ZHX2: variants seen among roughly 807,000 people sequenced by gnomAD.
ZHX2 encodes the protein zinc fingers and homeoboxes protein 2.
In ZHX2, 6 loss-of-function variants were observed where a neutral mutation model predicts 21.9. The observed-to-expected ratio is 0.27, with a 90% CI of 0.15 to 0.54. The LOEUF (loss-of-function observed/expected upper bound fraction) is 0.54, where lower values mean the gene tolerates loss of function less well. Ranked by LOEUF, ZHX2 falls within the 20% of genes least tolerant of loss-of-function variation. The probability of loss-of-function intolerance (pLI) is 0.95; values close to 1 mark genes in which losing one functional copy is unlikely to be tolerated. For synonymous variants in ZHX2, 434 were observed against 437.1 expected (o/e 0.99, Z 0.09); for missense variants, 908 against 1,090.7 (o/e 0.83, Z 2.36).
intron 2 of ZHX2, among the ~76,000 whole-genome samples, chr8:122,909,489 C>T (rs774813375): frequency 6.6e-5 from 10 of 151,884 alleles, no homozygotes; most frequent in East Asian, 1.9e-4. Flanking sequence ...TGTGAATACT[C>T]GTTGCTCTTT....
chr8:122,789,455 T>C (rs1450078138), intron 1 of ZHX2, among the ~76,000 whole-genome samples: 1 of 152,246 alleles, frequency 6.6e-6, no homozygotes. Flanking sequence ...TTAGAACTTA[T>C]TTTCATTTGC....
At chr8:122,922,619 TTCCTTC>T (rs1820767113) in intron 2 of ZHX2, among the ~76,000 whole-genome samples, 1 of 152,184 alleles carries the variant, frequency 6.6e-6, no homozygotes, top group Non-Finnish European at 1.5e-5. Flanking sequence ...CTTCCTCCTG[TTCCTTC>T]TCCTCCATTT....
At chr8:122,900,963 G>A (rs183119909) in intron 2 of ZHX2, among the ~76,000 whole-genome samples, 10 of 152,228 alleles carry the variant, frequency 6.6e-5, no homozygotes, top group South Asian at 6.2e-4. Context: ...TTTGTGTGGC[G>A]TGGGCAGATA....
chr8:122,846,727 G>A (rs1392430177), intron 1 of ZHX2, among the ~76,000 whole-genome samples: 1 of 151,788 alleles, frequency 6.6e-6, no homozygotes, highest in Non-Finnish European at 1.5e-5. Context: ...TTTTGCCATT[G>A]AAAGTAATGG....
intron 2 of ZHX2, among the ~76,000 whole-genome samples, chr8:122,886,184 G>A (rs1047877449): frequency 3.0e-4 from 46 of 152,228 alleles, no homozygotes; most frequent in African/African-American, 1.0e-3. Flanking sequence ...GAAAAGACAC[G>A]GAGAAACCTT....
At chr8:122,832,637 G>T (rs992131760) in intron 1 of ZHX2, among the ~76,000 whole-genome samples, 2 of 152,136 alleles carry the variant, frequency 1.3e-5, no homozygotes, top group Non-Finnish European at 1.5e-5. Flanking sequence ...TTAGTATAAC[G>T]GTTTGGCAAG....
chr8:122,916,729 C>T (rs1820612616), intron 2 of ZHX2, among the ~76,000 whole-genome samples: 1 of 151,898 alleles, frequency 6.6e-6, no homozygotes, highest in Non-Finnish European at 1.5e-5. Context: ...ATCCTAATTC[C>T]TTCCTTCCAT....
chr8:122,785,901 G>T (rs1023548248), intron 1 of ZHX2, among the ~76,000 whole-genome samples: 1 of 152,162 alleles, frequency 6.6e-6, no homozygotes, highest in Non-Finnish European at 1.5e-5. Context: ...GTTTCTGAAG[G>T]TCACGTGTTT....
intron 1 of ZHX2, among the ~76,000 whole-genome samples, chr8:122,846,135 T>A (rs1187729682): frequency 6.6e-6 from 1 of 152,126 alleles, no homozygotes; most frequent in Non-Finnish European, 1.5e-5. Flanking sequence ...TGGATGTAGA[T>A]GTTGGCAGAG....
intron 1 of ZHX2, among the ~76,000 whole-genome samples, chr8:122,843,084 G>C (rs1818675728): frequency 6.6e-6 from 1 of 152,244 alleles, no homozygotes; most frequent in Non-Finnish European, 1.5e-5. Context: ...GTGGGCCATG[G>C]TTGCAGTGGA....
At chr8:122,848,912 A>T (rs1300349936) in intron 1 of ZHX2, among the ~76,000 whole-genome samples, 2 of 152,204 alleles carry the variant, frequency 1.3e-5, no homozygotes, top group Non-Finnish European at 2.9e-5. Context: ...GACTCTACGC[A>T]GTCCTGAGTG....
rs1377802087 is a variant in ZHX2, at chr8:122,973,594, C to T, written c.*357C>T. On this transcript the variant is annotated 3_prime_UTR_variant, in exon 4 of 4. Transcript: ENST00000314393. ...AGGGCAACTTCCTTTTCCAGCACTA[C>T]CATTGTAAGGTTTTTTTCAGGAGGG... is the stretch of plus-strand genomic sequence containing the variant. 6.6e-6 allele frequency: 1 copy of T among 152,622 alleles called. No homozygotes were observed. Among genetic ancestry groups the T allele is most frequent in the Non-Finnish European group, 1.5e-5 (1 of 68,038 alleles). 9.5% of individuals were successfully genotyped at this position (152,622 alleles called of 1,614,324 possible).
At chr8:122,810,136 T>G (rs1004307855) in intron 1 of ZHX2, among the ~76,000 whole-genome samples, 1 of 152,170 alleles carries the variant, frequency 6.6e-6, no homozygotes, top group Non-Finnish European at 1.5e-5. Context: ...GCTTAATAAA[T>G]GGCATAAATG....
At chr8:122,865,945 G>A (rs1819283256) in intron 2 of ZHX2, among the ~76,000 whole-genome samples, 2 of 152,150 alleles carry the variant, frequency 1.3e-5, no homozygotes, top group Admixed American at 1.3e-4. Flanking sequence ...GGCTGTCAAG[G>A]TGGCACTGTT....
At chr8:122,945,478 G>C (rs1210803527) in intron 2 of ZHX2, among the ~76,000 whole-genome samples, 2 of 142,636 alleles carry the variant, frequency 1.4e-5, no homozygotes, top group Non-Finnish European at 3.0e-5. Context: ...TGTATTCCGA[G>C]GCAATTTATT....
At chr8:122,805,931 C>A (rs4870815) in intron 1 of ZHX2, among the ~76,000 whole-genome samples, 16,927 of 152,224 alleles carry the variant, frequency 0.11, 1,120 homozygotes, top group Admixed American at 0.21. Flanking sequence ...ATTCCAGTTC[C>A]TCTACCTTGT....
At chr8:122,911,220 T>C (rs1037652384) in intron 2 of ZHX2, among the ~76,000 whole-genome samples, 3 of 151,464 alleles carry the variant, frequency 2.0e-5, no homozygotes, top group African/African-American at 7.3e-5. Context: ...TCTCTGCCAC[T>C]TTATAGCTGT....
chr8:122,927,305 G>C (rs1179234796), intron 2 of ZHX2, among the ~76,000 whole-genome samples: 2 of 152,148 alleles, frequency 1.3e-5, no homozygotes, highest in African/African-American at 4.8e-5. Context: ...GACCAGCCTG[G>C]CCAACATGGT....
chr8:122,788,194 T>C (rs1032431173), intron 1 of ZHX2, among the ~76,000 whole-genome samples: 1 of 152,208 alleles, frequency 6.6e-6, no homozygotes, highest in African/African-American at 2.4e-5. Context: ...CTAAACACTT[T>C]CCCTTCACAA....
Sources: gnomAD v4.1 joint callset for allele counts (sites outside exome capture counted in the v4.1 genomes callset) on GRCh38, gnomAD v4.1.1 for gene constraint, MANE v1.5 for transcripts, NCBI Gene and HGNC (gene_info 2026-07-23, HGNC 2026-07-21) for gene names.